Variants in DNAH7 observed in about 807,000 individuals in gnomAD.
DNAH7 encodes the protein axonemal beta dynein heavy chain 7.
Under a neutral mutation model 444.6 loss-of-function variants are expected in DNAH7, and 397 were observed. The observed-to-expected ratio is 0.89, with a 90% CI of 0.82 to 0.97. The LOEUF (loss-of-function observed/expected upper bound fraction) is 0.97. DNAH7 is among the 50% of genes least tolerant of loss of function. The probability of loss-of-function intolerance (pLI) is 0.00; values close to 1 mark genes in which losing one functional copy is unlikely to be tolerated. For synonymous variants in DNAH7, 1,636 were observed against 1,624.4 expected (o/e 1.01, Z -0.17); for missense variants, 4,902 against 4,800.8 (o/e 1.02, Z -0.62).
At chr2:195,855,018 G>C (rs186637976) in intron 45 of DNAH7, among the ~76,000 whole-genome samples, 150 of 152,276 alleles carry the variant, frequency 9.9e-4, no homozygotes, top group Non-Finnish European at 1.5e-3. Context: ...CAGGCTGCCT[G>C]GGTTCAGGTC....
In DNAH7 at chr2:195,796,634, A is replaced by C; in HGVS notation, c.10457T>G (p.Val3486Gly). 6.2e-7 allele frequency: 1 copy of C among 1,614,178 alleles called. No homozygotes were observed. The highest frequency in any genetic ancestry group is 1.7e-5 in the Admixed American group (1 of 60,024). ...EKAVKEGTWV[V>G]LQNCHLATSW... The stretch of plus-strand genomic sequence containing the variant: ...GGTGGCAAGGTGACAATTCTGAAGA[A>C]CAACCCATGTTCCTTCCTTGACAGC... The change falls in exon 56 of 65, where the codon GTT becomes GGT. Residue 3486 changes from valine (V) to glycine (G), a missense_variant. Val to Gly is a moderately radical substitution (Grantham distance 109). Transcript: ENST00000312428.
intron 14 of DNAH7, among the ~76,000 whole-genome samples, chr2:195,986,776 T>C (rs1231653071): frequency 6.6e-6 from 1 of 152,128 alleles, no homozygotes; most frequent in Non-Finnish European, 1.5e-5. Context: ...TACACAAATA[T>C]AAAAATCTGA....
At chr2:195,888,158 ATC>A (rs1701812182) in intron 33 of DNAH7, 98 bp downstream of exon 33, 3 of 953,558 alleles carry the variant, frequency 3.1e-6, no homozygotes, top group African/African-American at 1.7e-5. Context: ...TTGATTTAAT[ATC>A]TCTTAGCTGA....
chr2:195,964,648 C>T (rs995002355), intron 17 of DNAH7, among the ~76,000 whole-genome samples: 5 of 145,230 alleles, frequency 3.4e-5, no homozygotes, highest in Admixed American at 2.1e-4. Context: ...AGGCGGATCA[C>T]GAGGTCAGGA....
At chr2:195,957,585 T>C (rs1354951492) in intron 18 of DNAH7, 138 bp from the exon 19 acceptor site, 2 of 438,910 alleles carry the variant, frequency 4.6e-6, no homozygotes, top group Non-Finnish European at 8.1e-6. Flanking sequence ...CAATCTTGTA[T>C]ATAATGTTAT....
intron 48 of DNAH7, among the ~76,000 whole-genome samples, chr2:195,825,656 T>C (rs768199679): frequency 4.6e-5 from 7 of 152,204 alleles, no homozygotes; most frequent in Non-Finnish European, 7.3e-5. Context: ...ATCAGTGACA[T>C]TGTTAAGGCT....
intron 47 of DNAH7, among the ~76,000 whole-genome samples, chr2:195,840,985 AAAG>A (rs1310559969): frequency 2.6e-5 from 4 of 151,946 alleles, no homozygotes; most frequent in East Asian, 1.9e-4. Context: ...CAATTTTGAA[AAAG>A]AAGAACAAAT....
At chr2:195,965,975 ATTTCT>A (rs1301315232) in intron 17 of DNAH7, among the ~76,000 whole-genome samples, 2 of 150,248 alleles carry the variant, frequency 1.3e-5, no homozygotes, top group Admixed American at 6.6e-5. Context: ...GGTGTTTATT[ATTTCT>A]TTTCTCTACT....
Position 195,873,677 on chromosome 2 carries a change from C to G in DNAH7, c.6304G>C (p.Val2102Leu), listed in dbSNP as rs201150212. The change falls in exon 39 of 65, where the codon GTA becomes CTA. Residue 2102 changes from valine (V) to leucine (L), a missense_variant. By Grantham distance (32) the Val-to-Leu change is conservative. Coordinates refer to ENST00000312428, the MANE Select transcript of DNAH7 (RefSeq NM_018897.3). ...AAATGTCGCATGTATCGAGGAGTTA[C>G]TGGATTTCGACCACCACCTAAATAT... Reference protein sequence around the residue: ...MGPPGGGRNPVTPRYMRHFNI... With the variant: ...MGPPGGGRNPLTPRYMRHFNI... The G allele has an allele frequency of 2.0e-5, 30 of 1,531,326 alleles. No individual in the cohort carries two copies. The African/African-American group carries it at 4.0e-4, about 20-fold the overall frequency. 94.9% of individuals were successfully genotyped at this position (1,531,326 alleles called of 1,614,324 possible). A position where few individuals can be genotyped will look rare whatever the true frequency, so the allele number is the denominator to read the frequency against.
chr2:195,994,540 T>C (rs1010952131), intron 12 of DNAH7: 2 of 482,894 alleles, frequency 4.1e-6, no homozygotes, highest in Non-Finnish European at 8.1e-6. Flanking sequence ...ATATTCCCAT[T>C]GTGGTCTTGG....
At chr2:195,760,023 C>T (rs73058227) in intron 61 of DNAH7, among the ~76,000 whole-genome samples, 9,209 of 152,182 alleles carry the variant, frequency 0.061, 378 homozygotes, top group African/African-American at 0.12. Context: ...TACTTGGCTA[C>T]TTGCTAGCTA....
At chr2:195,847,420 T>C (rs1466984598) in intron 46 of DNAH7, among the ~76,000 whole-genome samples, 1 of 151,568 alleles carries the variant, frequency 6.6e-6, no homozygotes, top group Non-Finnish European at 1.5e-5. Context: ...ATGTTCTCAC[T>C]TATAAGTGGG....
At position 195,858,779 on chromosome 2, in the gene DNAH7, A is replaced by G. The variant is rs1699862740; in HGVS notation, c.7762T>C (p.Tyr2588His). 3 of 1,609,230 alleles carry G rather than the reference A, an allele frequency of 1.9e-6. No homozygotes were observed. Among genetic ancestry groups the G allele is most frequent in the South Asian group, 2.2e-5 (2 of 90,424 alleles). ...RSEVMKMKKR[Y>H]EVGLEKLDSA... ...TCCAGTTTCTCCAAACCCACTTCAT[A>G]TCTCTTTTTCATTTTCATTACTTCA... Residue 2588 changes from tyrosine (Y) to histidine (H), a missense_variant, in exon 43 of 65, where the codon TAT (tyrosine) becomes CAT (histidine). By Grantham distance (83) the Tyr-to-His change is moderately conservative (BLOSUM62 2). Transcript: ENST00000312428.
At chr2:195,986,964 T>G in intron 14 of DNAH7, 102 bp downstream of exon 14, 1 of 1,049,284 alleles carries the variant, frequency 9.5e-7, no homozygotes, top group South Asian at 2.5e-5. Flanking sequence ...TTCTTTGGAA[T>G]CATTTATGGC....
intron 12 of DNAH7, among the ~76,000 whole-genome samples, chr2:195,991,471 AAAAT>A (rs1479546650): frequency 5.6e-4 from 86 of 152,350 alleles, no homozygotes; most frequent in African/African-American, 1.7e-3. Flanking sequence ...AACCACAACA[AAAAT>A]AAAACAAAAC....
At chr2:195,841,187 A>G (rs1204831277) in intron 47 of DNAH7, among the ~76,000 whole-genome samples, 5 of 151,564 alleles carry the variant, frequency 3.3e-5, no homozygotes, top group African/African-American at 4.8e-5. Flanking sequence ...ATTTTCAACA[A>G]ATTATGCTGG....
intron 19 of DNAH7, among the ~76,000 whole-genome samples, chr2:195,939,040 T>C (rs1332885406): frequency 1.3e-5 from 2 of 152,168 alleles, no homozygotes; most frequent in African/African-American, 2.4e-5. Flanking sequence ...GAGTCCCTTT[T>C]TTATTATCTT....
chr2:195,961,094 G>A (rs1040456305), intron 17 of DNAH7, 149 bp from the exon 18 acceptor site: 2 of 560,188 alleles, frequency 3.6e-6, no homozygotes, highest in Admixed American at 3.8e-5. Flanking sequence ...AAACAGAGCA[G>A]TAATCTCATT....
At chr2:195,830,178 C>A (rs12471921) in intron 48 of DNAH7, among the ~76,000 whole-genome samples, 15,275 of 152,064 alleles carry the variant, frequency 0.1, 1,139 homozygotes, top group East Asian at 0.34. Context: ...GTTAAAACCT[C>A]ATTTCTCATT....
Sources: gnomAD v4.1 joint callset for allele counts (sites outside exome capture counted in the v4.1 genomes callset) on GRCh38, gnomAD v4.1.1 for gene constraint, MANE v1.5 for transcripts, NCBI Gene and HGNC (gene_info 2026-07-23, HGNC 2026-07-21) for gene names.